GRIK2: variants seen among roughly 807,000 people sequenced by gnomAD.
The protein encoded by GRIK2 is glutamate receptor ionotropic, kainate 2.
A neutral mutation model predicts 100.3 loss-of-function variants in GRIK2; 32 were observed. The ratio of observed to expected loss-of-function variants is 0.32; its 90% confidence interval spans 0.24 to 0.43. The LOEUF (loss-of-function observed/expected upper bound fraction) is 0.43. Ranked by LOEUF, GRIK2 falls within the 20% of genes least tolerant of loss-of-function variation. The pLI is 1.00. For synonymous variants in GRIK2, 417 were observed against 389.4 expected (o/e 1.07, Z -0.83); for missense variants, 843 against 1,114.9 (o/e 0.76, Z 3.47).
At chr6:101,607,431 T>C (rs760281062) in intron 2 of GRIK2, among the ~76,000 whole-genome samples, 8 of 151,976 alleles carry the variant, frequency 5.3e-5, no homozygotes, top group Non-Finnish European at 1.2e-4. Flanking sequence ...GCAATAAAAG[T>C]CACTCTTCTG....
chr6:101,802,320 T>C lies in GRIK2; in HGVS notation c.1096-11T>C, dbSNP rs955557498. The C allele has an allele frequency of 8.4e-7, 1 of 1,191,530 alleles. No homozygotes were observed. The highest frequency in any genetic ancestry group is 1.2e-6 in the Non-Finnish European group (1 of 840,400). The allele number at this position is 1,191,530 out of a possible 1,614,324, so 73.8% of individuals were successfully genotyped here. A position where few individuals can be genotyped will look rare whatever the true frequency, so the allele number is the denominator to read the frequency against. On this transcript the variant is annotated splice_polypyrimidine_tract_variant and intron_variant, in intron 8 of 16. Transcript: ENST00000369134. ...CACTTATTTATTATCAATGTTTTTC[T>C]ATTCCCATAGGCACATTGGGAAGGC...
chr6:101,683,562 T>C (rs1771447972), intron 6 of GRIK2, among the ~76,000 whole-genome samples: 1 of 152,204 alleles, frequency 6.6e-6, no homozygotes, highest in South Asian at 2.1e-4. Context: ...TTACTAATTC[T>C]TTCTTCCACA....
At chr6:101,876,545 A>C (rs1785862491) in intron 11 of GRIK2, among the ~76,000 whole-genome samples, 1 of 151,346 alleles carries the variant, frequency 6.6e-6, no homozygotes, top group Non-Finnish European at 1.5e-5. Context: ...AGCACCATTC[A>C]GGGCCCACTT....
chr6:101,449,354 C>G (rs1400765406), intron 2 of GRIK2, among the ~76,000 whole-genome samples: 1 of 151,588 alleles, frequency 6.6e-6, no homozygotes, highest in Non-Finnish European at 1.5e-5. Flanking sequence ...GAAATCGACA[C>G]CAAACATAAT....
chr6:101,891,084 G>A (rs1421523895), intron 12 of GRIK2, among the ~76,000 whole-genome samples: 2 of 150,858 alleles, frequency 1.3e-5, no homozygotes, highest in Non-Finnish European at 2.9e-5. Flanking sequence ...AAATTTATCA[G>A]TAAGGGTATT....
At chr6:101,713,298 A>G (rs1583007584) in intron 7 of GRIK2, among the ~76,000 whole-genome samples, 2 of 151,906 alleles carry the variant, frequency 1.3e-5, no homozygotes, top group South Asian at 4.1e-4. Context: ...TAAATTTTAT[A>G]ACTCATGTGA....
At chr6:101,888,788 T>C (rs1372836783) in intron 11 of GRIK2, among the ~76,000 whole-genome samples, 1 of 152,188 alleles carries the variant, frequency 6.6e-6, no homozygotes, top group Non-Finnish European at 1.5e-5. Flanking sequence ...TCTTTGAAAG[T>C]TTTTACATTT....
At chr6:101,892,422 G>T (rs1453357236) in intron 12 of GRIK2, among the ~76,000 whole-genome samples, 1 of 151,988 alleles carries the variant, frequency 6.6e-6, no homozygotes, top group East Asian at 1.9e-4. Flanking sequence ...AACCATCATA[G>T]ACAGCATCTG....
intron 14 of GRIK2, among the ~76,000 whole-genome samples, chr6:102,020,095 G>A (rs1769345315): frequency 6.6e-6 from 1 of 151,908 alleles, no homozygotes; most frequent in Admixed American, 6.6e-5. Context: ...GTCCTTACAG[G>A]AAGTAAATGA....
chr6:101,726,071 TC>T (rs1774842167), intron 7 of GRIK2, among the ~76,000 whole-genome samples: 1 of 151,986 alleles, frequency 6.6e-6, no homozygotes, highest in Non-Finnish European at 1.5e-5. Flanking sequence ...TTTTAAAACC[TC>T]ATAAAGATTA....
chr6:101,685,710 C>A (rs1316824557), intron 6 of GRIK2, among the ~76,000 whole-genome samples: 1 of 151,918 alleles, frequency 6.6e-6, no homozygotes, highest in Non-Finnish European at 1.5e-5. Flanking sequence ...ACCTTTCATA[C>A]AGTTTTCATT....
At chr6:101,494,285 C>G (rs537135681) in intron 2 of GRIK2, among the ~76,000 whole-genome samples, 1 of 151,278 alleles carries the variant, frequency 6.6e-6, no homozygotes, top group African/African-American at 2.4e-5. Flanking sequence ...ACTGCTCGAA[C>G]TGTTAAATGC....
At chr6:101,784,823 G>T (rs1329138762) in intron 7 of GRIK2, among the ~76,000 whole-genome samples, 1 of 152,118 alleles carries the variant, frequency 6.6e-6, no homozygotes, top group African/African-American at 2.4e-5. Flanking sequence ...CTCTAGCCAT[G>T]CAGAACTGAT....
At chr6:101,918,455 A>G (rs1040087223) in intron 12 of GRIK2, among the ~76,000 whole-genome samples, 1 of 151,660 alleles carries the variant, frequency 6.6e-6, no homozygotes, top group African/African-American at 2.4e-5. Flanking sequence ...GTATTCCCTC[A>G]ATGAGTAGTA....
intron 1 of GRIK2, among the ~76,000 whole-genome samples, chr6:101,398,401 C>A (rs1775103020): frequency 6.6e-6 from 1 of 152,032 alleles, no homozygotes; most frequent in East Asian, 1.9e-4. Context: ...CAAGGAATAC[C>A]CCAGTCAAGT....
chr6:101,957,179 A>G (rs1299133170), intron 14 of GRIK2, among the ~76,000 whole-genome samples: 1 of 151,978 alleles, frequency 6.6e-6, no homozygotes, highest in African/African-American at 2.4e-5. Flanking sequence ...GGTTTTAATA[A>G]TAGCCATTCT....
chr6:102,002,317 T>C (rs1446004906), intron 14 of GRIK2, among the ~76,000 whole-genome samples: 1 of 147,732 alleles, frequency 6.8e-6, no homozygotes, highest in Non-Finnish European at 1.5e-5. Context: ...TATATATACA[T>C]ACTATATATA....
At chr6:102,010,123 C>G (rs1438467312) in intron 14 of GRIK2, among the ~76,000 whole-genome samples, 1 of 152,042 alleles carries the variant, frequency 6.6e-6, no homozygotes. Context: ...GCAATCTCTC[C>G]CACTATCAAT....
At chr6:102,026,205 T>C (rs1307510627) in intron 14 of GRIK2, among the ~76,000 whole-genome samples, 1 of 147,956 alleles carries the variant, frequency 6.8e-6, no homozygotes, top group African/African-American at 2.5e-5. Flanking sequence ...GTACTGTGTT[T>C]CTCTTTTGAT....
Sources: gnomAD v4.1 joint callset for allele counts (sites outside exome capture counted in the v4.1 genomes callset) on GRCh38, gnomAD v4.1.1 for gene constraint, MANE v1.5 for transcripts, NCBI Gene and HGNC (gene_info 2026-07-23, HGNC 2026-07-21) for gene names.